The following ATP6V0E2 variants were observed in gnomAD, a reference collection of about 807,000 sequenced individuals.
ATP6V0E2 encodes V-type proton ATPase subunit e 2.
ATP6V0E2 carries 4 observed loss-of-function variants against 11.5 expected under a neutral mutation model. The ratio of observed to expected loss-of-function variants is 0.35; its 90% confidence interval spans 0.17 to 0.80. ATP6V0E2 has a LOEUF of 0.80. Ranked by LOEUF, ATP6V0E2 falls within the 30% of genes least tolerant of loss-of-function variation. ATP6V0E2 has a pLI of 0.53. For missense variants in ATP6V0E2, 93 were observed against 113.5 expected, an observed-to-expected ratio of 0.82 and a Z score of 0.82; for synonymous variants, 52 against 51.0, an observed-to-expected ratio of 1.02 and a Z score of -0.09.
intron 3 of ATP6V0E2, 64 bp from the exon 4 acceptor site, chr7:149,879,271 A>T (rs1258977860): frequency 7.0e-7 from 1 of 1,419,420 alleles, no homozygotes. Context: ...CTTTCCAGGG[A>T]GGGTTGGGGG....
rs373578601 is a variant in ATP6V0E2, at chr7:149,874,127, G to T, written c.62G>T (p.Gly21Val). 2.5e-5 allele frequency: 38 copies of T among 1,549,748 alleles called. No homozygotes were observed. The highest frequency in any genetic ancestry group is 2.3e-4 in the South Asian group (19 of 84,050). ...IIFTTFWGLV[G>V]IAGPWFVPKG... ...TTCACCACGTTCTGGGGCCTCGTCG[G>T]CATCGCCGGGCCCTGGTTCGTGCCG... Residue 21 changes from glycine (G) to valine (V), a missense_variant, in exon 1 of 4, where the codon GGC (glycine) becomes GTC (valine). By Grantham distance (109) the Gly-to-Val change is moderately radical. Transcript: ENST00000425642.
chr7:149,879,628 G>C lies in ATP6V0E2; in HGVS notation c.*313G>C. 6.8e-7 allele frequency: 1 copy of C among 1,464,104 alleles called. No individual in the cohort carries two copies. The highest frequency in any genetic ancestry group is 9.0e-7 in the Non-Finnish European group (1 of 1,105,160). 90.7% of individuals were successfully genotyped at this position (1,464,104 alleles called of 1,614,324 possible). A position where few individuals can be genotyped will look rare whatever the true frequency, so the allele number is the denominator to read the frequency against. ...GCTGCTGGGGAGCTGGTATGGGTGG[G>C]GTCTTTCCCTTTACAGACGGGGCAG... On this transcript the variant is annotated 3_prime_UTR_variant, in exon 4 of 4. Coordinates refer to ENST00000425642, the MANE Select transcript of ATP6V0E2 (RefSeq NM_145230.4).
chr7:149,878,268 A>G (rs551347434), intron 2 of ATP6V0E2, among the ~76,000 whole-genome samples: 2 of 152,262 alleles, frequency 1.3e-5, no homozygotes, highest in Admixed American at 1.3e-4. Flanking sequence ...TCCTTCTCTC[A>G]TAAGAGGAGG....
At position 149,873,975 on chromosome 7, in the gene ATP6V0E2, C is replaced by T. The variant is rs1360561012; in HGVS notation, c.-91C>T. 3 of 1,545,572 alleles carry T rather than the reference C, an allele frequency of 1.9e-6. No homozygotes were observed. Among genetic ancestry groups the T allele is most frequent in the Non-Finnish European group, 1.7e-6 (2 of 1,146,892 alleles). ...CTTCGGGTGCTCGACTCCTGTTGCG[C>T]ATGCTCAGCGCGCTGCCCGGCTGGG... On this transcript the variant is annotated 5_prime_UTR_variant, in exon 1 of 4. Coordinates refer to ENST00000425642, the MANE Select transcript of ATP6V0E2 (RefSeq NM_145230.4).
In ATP6V0E2 at chr7:149,878,669, C is replaced by T. The variant is rs781329434; in HGVS notation, c.153-9C>T. 13 of 1,609,104 alleles carry T rather than the reference C, an allele frequency of 8.1e-6. No individual in the cohort carries two copies. Among genetic ancestry groups the T allele is most frequent in the Non-Finnish European group, 1.1e-5 (13 of 1,179,036 alleles). ...TGCCAGGCTCACCATGCTTTGCTGT[C>T]CCTGGCAGCTGGCTCATCGCCATCC... On this transcript the variant is annotated splice_polypyrimidine_tract_variant and intron_variant, in intron 2 of 3. Coordinates refer to ENST00000425642, the MANE Select transcript of ATP6V0E2 (RefSeq NM_145230.4).
At chr7:149,873,680 C>T (rs149828706), upstream of ATP6V0E2, 419 of 462,104 alleles carry the variant, frequency 9.1e-4, 2 homozygotes, top group East Asian at 0.015. Context: ...GGGCAGGGGA[C>T]GCCCCGAAAG....
chr7:149,873,978 G>A lies in ATP6V0E2; in HGVS notation c.-88G>A. 1 of 1,544,760 alleles carries A rather than the reference G, an allele frequency of 6.5e-7. No homozygotes were observed. ...CGGGTGCTCGACTCCTGTTGCGCAT[G>A]CTCAGCGCGCTGCCCGGCTGGGGAC... On this transcript the variant is annotated 5_prime_UTR_variant, in exon 1 of 4. An upstream start codon of the reference 5' UTR is lost. Transcript: ENST00000425642.
chr7:149,877,154 G>T (rs1803196858), intron 2 of ATP6V0E2, among the ~76,000 whole-genome samples: 1 of 151,986 alleles, frequency 6.6e-6, no homozygotes, highest in African/African-American at 2.4e-5. Context: ...CCTCCCCAAG[G>T]AGCTGGGATG....
chr7:149,875,153 G>T, intron 1 of ATP6V0E2: 1 of 193,332 alleles, frequency 5.2e-6, no homozygotes, highest in South Asian at 9.0e-5. Flanking sequence ...CAACTCACTG[G>T]GCCTCAGAAC....
intron 1 of ATP6V0E2, 90 bp downstream of exon 1, chr7:149,874,259 C>G: frequency 7.0e-7 from 1 of 1,429,108 alleles, no homozygotes; most frequent in Non-Finnish European, 9.2e-7. Context: ...GCTTCCTGCT[C>G]TGCAGCGAGC....
chr7:149,879,534 A>G lies in ATP6V0E2; in HGVS notation c.*219A>G. The G allele has an allele frequency of 1.3e-6, 2 of 1,566,422 alleles. No homozygotes were observed. Among genetic ancestry groups the G allele is most frequent in the South Asian group, 2.4e-5 (2 of 83,194 alleles). Reference sequence around the variant, plus strand: ...GGCCCTGGGGAGCCCTGGGCACAGCAGCGGCCGAGGGGATGTCCTGCTCCA... The same window carrying G: ...GGCCCTGGGGAGCCCTGGGCACAGCGGCGGCCGAGGGGATGTCCTGCTCCA... On this transcript the variant is annotated 3_prime_UTR_variant, in exon 4 of 4. Transcript: ENST00000425642.
Position 149,880,619 on chromosome 7 carries a change from C to T in ATP6V0E2, c.*1304C>T, listed in dbSNP as rs1006605139. 1 of 152,434 alleles carries T rather than the reference C, an allele frequency of 6.6e-6. No homozygotes were observed. The highest frequency in any genetic ancestry group is 1.5e-5 in the Non-Finnish European group (1 of 68,186). The allele number at this position is 152,434 out of a possible 1,614,324, so 9.4% of individuals were successfully genotyped here. On this transcript the variant is annotated 3_prime_UTR_variant, in exon 4 of 4. Transcript: ENST00000425642. ...CCCTCTCTGAGCCTCCGTCGCCCCT[C>T]CTGTTGGGTAAGGGTGTTGAGTGTG...
At chr7:149,879,294 C>T in intron 3 of ATP6V0E2, 41 bp from the exon 4 acceptor site, 1 of 1,452,764 alleles carries the variant, frequency 6.9e-7, no homozygotes, top group Non-Finnish European at 9.1e-7. Flanking sequence ...GTGGAGTCTC[C>T]ACTGCAAGGC....
Position 149,879,558 on chromosome 7 carries a change from CA to C in ATP6V0E2, c.*245del. 6.5e-7 allele frequency: 1 copy of C among 1,547,744 alleles called. No homozygotes were observed. Among genetic ancestry groups the C allele is most frequent in the Non-Finnish European group, 8.7e-7 (1 of 1,147,168 alleles). On this transcript the variant is annotated 3_prime_UTR_variant, in exon 4 of 4. Transcript: ENST00000425642. ...CAGCGGCCGAGGGGATGTCCTGCTC[CA>C]ATACCCGCACTGCTCTGGAGTTTGC...
chr7:149,879,504 G>A lies in ATP6V0E2; in HGVS notation c.*189G>A. 1 of 1,591,074 alleles carries A rather than the reference G, an allele frequency of 6.3e-7. No homozygotes were observed. The highest frequency in any genetic ancestry group is 2.3e-5 in the East Asian group (1 of 43,518). ...GAAGTCTTCCCAGTCTTCCCAGCCA[G>A]CCCGGGCCCTGGGGAGCCCTGGGCA... is the stretch of plus-strand genomic sequence containing the variant. On this transcript the variant is annotated 3_prime_UTR_variant, in exon 4 of 4. Transcript: ENST00000425642.
In ATP6V0E2 at chr7:149,874,110, G is replaced by A. The variant is rs1414663800; in HGVS notation, c.45G>A (p.Thr15=). 3 of 1,549,860 alleles carry A rather than the reference G, an allele frequency of 1.9e-6. No homozygotes were observed. The highest frequency in any genetic ancestry group is 2.7e-5 in the African/African-American group (2 of 73,038). The change falls in exon 1 of 4, where the codon ACG becomes ACA. Residue 15 remains threonine, a synonymous_variant. Transcript: ENST00000425642. ...CCCTCCCGGTCATCATCTTCACCAC[G>A]TTCTGGGGCCTCGTCGGCATCGCCG... ...SFALPVIIFT[T]FWGLVGIAGP... is the part of the protein sequence containing the mutation.
upstream of ATP6V0E2, chr7:149,873,873 C>A (rs1417759117): frequency 2.0e-6 from 3 of 1,476,460 alleles, no homozygotes; most frequent in Non-Finnish European, 1.8e-6. Flanking sequence ...AGCGAGTGGG[C>A]TCCTAGGCAG....
chr7:149,877,806 T>A (rs533854844), intron 2 of ATP6V0E2, among the ~76,000 whole-genome samples: 144 of 152,222 alleles, frequency 9.5e-4, no homozygotes, highest in Non-Finnish European at 1.7e-3. Context: ...GCAAATTGGA[T>A]GCATACAGGT....
intron 3 of ATP6V0E2, 88 bp from the exon 4 acceptor site, chr7:149,879,247 C>A: frequency 7.1e-7 from 1 of 1,414,696 alleles, no homozygotes; most frequent in Non-Finnish European, 9.2e-7. Context: ...ACTATCTGGG[C>A]AGGGGTGAGG....
Sources: gnomAD v4.1 joint callset for allele counts (sites outside exome capture counted in the v4.1 genomes callset) on GRCh38, gnomAD v4.1.1 for gene constraint, MANE v1.5 for transcripts, NCBI Gene and HGNC (gene_info 2026-07-23, HGNC 2026-07-21) for gene names.